TDRD1: variants seen among roughly 807,000 people sequenced by gnomAD.
TDRD1 encodes the protein tudor domain-containing protein 1.
A neutral mutation model predicts 140.6 loss-of-function variants in TDRD1; 37 were observed. The ratio of observed to expected loss-of-function variants is 0.26; its 90% CI spans 0.20 to 0.35. TDRD1 has a LOEUF of 0.35. TDRD1 is among the 10% of genes least tolerant of loss of function. The probability of loss-of-function intolerance (pLI) is 1.00; values close to 1 mark genes in which losing one functional copy is unlikely to be tolerated. For missense variants in TDRD1, 1,243 were observed against 1,393.0 expected (o/e 0.89, Z 1.71); for synonymous variants, 506 against 475.7 (o/e 1.06, Z -0.83).
exon 25 of TDRD1, chr10:114,228,078 A>G (rs768199858): frequency 1.6e-5 from 26 of 1,607,068 alleles, no homozygotes; most frequent in Non-Finnish European, 2.1e-5. Flanking sequence ...CTCTTAAACA[A>G]TTCAACCAAT....
intron 2 of TDRD1, among the ~76,000 whole-genome samples, chr10:114,188,758 G>A (rs1253539143): frequency 3.3e-5 from 5 of 151,944 alleles, no homozygotes; most frequent in Admixed American, 2.6e-4. Flanking sequence ...TTGAGAGGCT[G>A]AGGCAGGAGA....
chr10:114,210,492 T>C, intron 11 of TDRD1, 89 bp from the exon 12 acceptor site: 2 of 1,314,726 alleles, frequency 1.5e-6, no homozygotes, highest in South Asian at 1.7e-5. Context: ...CATAGTCATA[T>C]TCGTTTTAAA....
At chr10:114,176,740 C>T (rs2032703744), upstream of TDRD1, among the ~76,000 whole-genome samples, 1 of 152,056 alleles carries the variant, frequency 6.6e-6, no homozygotes, top group Admixed American at 6.6e-5. The surrounding 1 kb of genome is among the most constrained non-coding windows in gnomAD (Gnocchi z 4.2). Context: ...TGCCACTGCA[C>T]TCTAGTCTGG....
At chr10:114,187,113 G>T (rs911514681) in intron 1 of TDRD1, among the ~76,000 whole-genome samples, 6 of 152,160 alleles carry the variant, frequency 3.9e-5, no homozygotes, top group Non-Finnish European at 7.3e-5. Context: ...GTGGATAGAG[G>T]TTTCTCAGAG....
At chr10:114,213,400 A>G (rs1343386164) in exon 15 of TDRD1, 1 of 1,613,926 alleles carries the variant, frequency 6.2e-7, no homozygotes, top group African/African-American at 1.3e-5. Context: ...CTCATGAAAA[A>G]ACTTGTACAG....
chr10:114,197,311 A>G (rs901983566), intron 3 of TDRD1, among the ~76,000 whole-genome samples: 1 of 152,052 alleles, frequency 6.6e-6, no homozygotes, highest in Non-Finnish European at 1.5e-5. Flanking sequence ...TCTATCTTCA[A>G]GTTTACTGAT....
intron 21 of TDRD1, among the ~76,000 whole-genome samples, chr10:114,223,693 C>G (rs2036278419): frequency 6.6e-6 from 1 of 152,236 alleles, no homozygotes; most frequent in Non-Finnish European, 1.5e-5. Context: ...TGCATAAGCA[C>G]TGTTCACAGC....
intron 11 of TDRD1, among the ~76,000 whole-genome samples, chr10:114,209,854 G>T (rs989300123): frequency 2.0e-5 from 3 of 152,186 alleles, no homozygotes; most frequent in Non-Finnish European, 4.4e-5. Flanking sequence ...TTATGTGAAT[G>T]ATATCTTATC....
chr10:114,178,694 CA>C, upstream of TDRD1, among the ~76,000 whole-genome samples: 1 of 152,208 alleles, frequency 6.6e-6, no homozygotes, highest in African/African-American at 2.4e-5. Context: ...GGGCCAGAAG[CA>C]GACGTTCGCT....
At chr10:114,210,694 G>C (rs1330721053) in exon 12 of TDRD1, 1 of 1,612,826 alleles carries the variant, frequency 6.2e-7, no homozygotes, top group East Asian at 2.2e-5. Flanking sequence ...TTGTGGTGTG[G>C]TTGCCCACAT....
chr10:114,226,508 C>T (rs1589718645), intron 22 of TDRD1, among the ~76,000 whole-genome samples: 1 of 152,290 alleles, frequency 6.6e-6, no homozygotes, highest in Non-Finnish European at 1.5e-5. Flanking sequence ...GGATGTGAAA[C>T]AGGGTGTCTG....
intron 8 of TDRD1, 54 bp from the exon 9 acceptor site, chr10:114,204,014 TTAATC>T: frequency 6.4e-7 from 1 of 1,563,608 alleles, no homozygotes; most frequent in Non-Finnish European, 8.6e-7. Flanking sequence ...TGAGGGTTTT[TTAATC>T]TAAGATTGTG....
chr10:114,186,555 G>A (rs971080606), intron 1 of TDRD1, among the ~76,000 whole-genome samples: 30 of 152,130 alleles, frequency 2.0e-4, no homozygotes, highest in African/African-American at 6.8e-4. Context: ...GTGAGCCACC[G>A]CGCCCAGCCT....
At chr10:114,193,161 A>G (rs547183191) in intron 3 of TDRD1, among the ~76,000 whole-genome samples, 3 of 152,042 alleles carry the variant, frequency 2.0e-5, no homozygotes, top group South Asian at 2.1e-4. Flanking sequence ...CTCAATTTAC[A>G]CTTAAGTATT....
At chr10:114,190,979 C>G (rs1434049225) in exon 3 of TDRD1, 1 of 1,613,794 alleles carries the variant, frequency 6.2e-7, no homozygotes, top group African/African-American at 1.3e-5. Context: ...GTGTCACCAC[C>G]AAGTGCTGAA....
At chr10:114,230,754 G>A (rs1207839122) in intron 25 of TDRD1, among the ~76,000 whole-genome samples, 2 of 152,154 alleles carry the variant, frequency 1.3e-5, no homozygotes, top group Non-Finnish European at 2.9e-5. Context: ...TATTCTTTGA[G>A]ATAGAATGGG....
At chr10:114,213,723 CT>C (rs1410090622) in intron 15 of TDRD1, 135 bp downstream of exon 15, 1 of 892,962 alleles carries the variant, frequency 1.1e-6, no homozygotes, top group African/African-American at 1.7e-5. Context: ...CATCTAAATA[CT>C]TGTAAGAATG....
chr10:114,201,248 A>G (rs558519805), intron 4 of TDRD1, among the ~76,000 whole-genome samples, 162 bp from the exon 5 acceptor site: 1 of 152,158 alleles, frequency 6.6e-6, no homozygotes, highest in East Asian at 1.9e-4. Flanking sequence ...CTTTGTAGTC[A>G]TTTCTTCTCT....
chr10:114,177,946 C>A (rs1182127671), upstream of TDRD1, among the ~76,000 whole-genome samples: 1 of 151,384 alleles, frequency 6.6e-6, no homozygotes, highest in Non-Finnish European at 1.5e-5. Flanking sequence ...GATTCTCCTG[C>A]CTTAGTTTCC....
Sources: gnomAD v4.1 joint callset for allele counts (sites outside exome capture counted in the v4.1 genomes callset) on GRCh38, gnomAD v4.1.1 for gene constraint, Gnocchi (gnomAD v3.1) non-coding constraint, MANE v1.5 for transcripts, NCBI Gene and HGNC (gene_info 2026-07-23, HGNC 2026-07-21) for gene names.